The following SGMS1 variants were observed in gnomAD, a reference collection of about 807,000 sequenced individuals.
SGMS1 encodes the protein phosphatidylcholine:ceramide cholinephosphotransferase 1.
SGMS1 carries 13 observed loss-of-function variants against 46.2 expected under a neutral mutation model. The observed-to-expected ratio is 0.28, with a 90% CI of 0.18 to 0.45. The LOEUF is 0.45. Ranked by LOEUF, SGMS1 falls within the 20% of genes least tolerant of loss-of-function variation. The pLI is 1.00. For synonymous variants in SGMS1, 203 were observed against 187.8 expected (o/e 1.08, Z -0.66); for missense variants, 324 against 519.9 (o/e 0.62, Z 3.66).
rs530770604 is a variant in SGMS1 at position 50,430,287 on chromosome 10, C to T, written c.-232+3189G>A. 3.9e-5 allele frequency among the ~76,000 whole-genome samples: 6 copies of T among 152,098 alleles called. No individual in the cohort carries two copies. In the South Asian group the frequency reaches 1.0e-3, roughly 26 times the overall value. On this transcript the variant is annotated intron_variant, in intron 6 of 10. Transcript: ENST00000361781. Reference sequence around the variant, plus strand: ...AATATGCAACATTATAGACTACGTACACATGGAATGCTATATATTATGTAT... The same window carrying T: ...AATATGCAACATTATAGACTACGTATACATGGAATGCTATATATTATGTAT...
chr10:50,500,193 C>CA (rs1315839514), intron 3 of SGMS1, among the ~76,000 whole-genome samples: 1 of 151,870 alleles, frequency 6.6e-6, no homozygotes, highest in African/African-American at 2.4e-5. Context: ...AACAAACAAA[C>CA]AAAAAAACAA....
At chr10:50,503,880 C>T (rs930967458) in intron 3 of SGMS1, among the ~76,000 whole-genome samples, 5 of 152,142 alleles carry the variant, frequency 3.3e-5, no homozygotes, top group African/African-American at 4.8e-5. Context: ...ATGTTGACCA[C>T]GTCACTGTCT....
At chr10:50,624,302 G>A (rs576462350), upstream of SGMS1, among the ~76,000 whole-genome samples, 18 of 152,222 alleles carry the variant, frequency 1.2e-4, no homozygotes, top group Non-Finnish European at 4.4e-5. Flanking sequence ...ACAAAGCAGG[G>A]AACGCAAACT....
upstream of SGMS1, chr10:50,624,748 G>A (rs1838903658): frequency 6.1e-6 from 6 of 985,426 alleles, no homozygotes; most frequent in Non-Finnish European, 7.2e-6. Context: ...AAGCCCCAGC[G>A]CCCAAGTTAG....
At chr10:50,574,945 T>A (rs1838367200) in intron 2 of SGMS1, among the ~76,000 whole-genome samples, 1 of 64,418 alleles carries the variant, frequency 1.6e-5, no homozygotes, top group African/African-American at 3.9e-5. Flanking sequence ...AATAAACATT[T>A]TAAAAGGAAA....
intron 1 of SGMS1, among the ~76,000 whole-genome samples, chr10:50,592,829 G>A (rs1483043933): frequency 1.3e-5 from 2 of 151,184 alleles, no homozygotes; most frequent in South Asian, 2.1e-4. Context: ...AAATGAGCTC[G>A]CCAATTTAGT....
chr10:50,363,265 G>T (rs570228200), intron 6 of SGMS1, among the ~76,000 whole-genome samples: 1 of 152,318 alleles, frequency 6.6e-6, no homozygotes, highest in Non-Finnish European at 1.5e-5. Context: ...CACGATTTCG[G>T]AAGTTGGGAA....
chr10:50,560,594 A>C (rs1468387203), intron 2 of SGMS1, among the ~76,000 whole-genome samples: 1 of 146,670 alleles, frequency 6.8e-6, no homozygotes, highest in Non-Finnish European at 1.5e-5. Context: ...TATACATAAT[A>C]TATGGCATAT....
intron 8 of SGMS1, among the ~76,000 whole-genome samples, chr10:50,315,299 AC>A (rs1847322325): frequency 6.6e-6 from 1 of 152,210 alleles, no homozygotes; most frequent in Admixed American, 6.5e-5. Flanking sequence ...TTAAATGTTA[AC>A]AGGGTTAGCT....
At chr10:50,538,351 A>G (rs955859441) in intron 2 of SGMS1, among the ~76,000 whole-genome samples, 3 of 151,508 alleles carry the variant, frequency 2.0e-5, no homozygotes, top group Admixed American at 6.6e-5. Context: ...CCAGCTACTC[A>G]GGAGGCTGAG....
chr10:50,345,056 T>C (rs1243047252), intron 6 of SGMS1, among the ~76,000 whole-genome samples: 2 of 151,938 alleles, frequency 1.3e-5, no homozygotes, highest in Non-Finnish European at 2.9e-5. Flanking sequence ...TTTAAAAATG[T>C]ACATAACATA....
chr10:50,311,063 T>A (rs534810383), intron 9 of SGMS1, among the ~76,000 whole-genome samples, 199 bp downstream of exon 9: 91 of 152,300 alleles, frequency 6.0e-4, no homozygotes, highest in African/African-American at 1.8e-3. Context: ...CCAGGACACC[T>A]CGTCCTCAGG....
chr10:50,390,267 A>G (rs1324321808), intron 6 of SGMS1, among the ~76,000 whole-genome samples: 1 of 152,246 alleles, frequency 6.6e-6, no homozygotes, highest in African/African-American at 2.4e-5. Flanking sequence ...ACATTTGAGC[A>G]GGAAATCAAT....
chr10:50,409,519 A>G (rs1849068333), intron 6 of SGMS1, among the ~76,000 whole-genome samples: 1 of 152,158 alleles, frequency 6.6e-6, no homozygotes, highest in Non-Finnish European at 1.5e-5. Context: ...CACTACTGAA[A>G]CTGTGACAGA....
At chr10:50,622,232 G>A (rs1838858825) in intron 1 of SGMS1, among the ~76,000 whole-genome samples, 2 of 152,242 alleles carry the variant, frequency 1.3e-5, no homozygotes, top group South Asian at 2.1e-4. Context: ...GCCTTCGCCC[G>A]TGGACGTTTC....
rs749699222 is a variant in SGMS1 at position 50,458,097 on chromosome 10, A to AT, written c.-313+2575dup. On this transcript the variant is annotated intron_variant, in intron 5 of 10. Coordinates refer to ENST00000361781, the MANE Select transcript of SGMS1 (RefSeq NM_147156.4). ...ATTCACCAGAATTGCCACTATCCTG[A>AT]TAAAACCTCGTTGATGAACAACACC... Among the ~76,000 whole-genome samples, 139 of 152,318 alleles carry AT rather than the reference A, an allele frequency of 9.1e-4. 2 individuals carry two copies. In the Middle Eastern group the frequency reaches 0.031, roughly 34 times the overall value.
intron 3 of SGMS1, among the ~76,000 whole-genome samples, chr10:50,511,096 C>A (rs1359796076): frequency 2.0e-5 from 3 of 152,164 alleles, no homozygotes; most frequent in Non-Finnish European, 4.4e-5. Flanking sequence ...CAGAGAAGTT[C>A]ACTTTTCAGA....
chr10:50,420,367 CT>C, intron 6 of SGMS1, among the ~76,000 whole-genome samples: 1 of 152,330 alleles, frequency 6.6e-6, no homozygotes, highest in Admixed American at 6.5e-5. Flanking sequence ...TCCCCTCTGC[CT>C]GAGTCACTGA....
intron 6 of SGMS1, among the ~76,000 whole-genome samples, chr10:50,352,260 G>A (rs1191656705): frequency 2.0e-5 from 3 of 151,998 alleles, no homozygotes; most frequent in Non-Finnish European, 4.4e-5. Flanking sequence ...GCTATACAGG[G>A]TGAGGTAAGA....
Sources: allele counts gnomAD v4.1 joint callset (sites outside exome capture counted in the v4.1 genomes callset), GRCh38; gene constraint gnomAD v4.1.1; transcripts MANE v1.5; gene names NCBI Gene and HGNC (gene_info 2026-07-23, HGNC 2026-07-21).